Variants in WWC1 observed in about 807,000 individuals in gnomAD.
WWC1 encodes the protein WW and C2 domain containing 1, also known as protein KIBRA.
WWC1 carries 55 observed loss-of-function variants against 138.4 expected under a neutral mutation model. That is an observed-to-expected ratio of 0.40 (90% CI 0.32 to 0.50). The LOEUF (loss-of-function observed/expected upper bound fraction) is 0.50, where lower values mean the gene tolerates loss of function less well. Among genes scored for constraint, WWC1 ranks in the 20% least tolerant of loss-of-function variants. WWC1 has a pLI of 0.72. For missense variants in WWC1, 1,226 were observed against 1,420.4 expected (o/e 0.86, Z 2.20); for synonymous variants, 524 against 564.9 (o/e 0.93, Z 1.03).
At chr5:168,385,491 C>T in intron 3 of WWC1, 77 bp downstream of exon 3, 1 of 1,451,800 alleles carries the variant, frequency 6.9e-7, no homozygotes, top group Non-Finnish European at 9.4e-7. Context: ...AATATTGCTT[C>T]TCAAGTCTGC....
In WWC1 at chr5:168,414,058, G is replaced by C. The variant is rs75327104; in HGVS notation, c.942-290G>C. On this transcript the variant is annotated intron_variant, in intron 8 of 22. Transcript: ENST00000265293. ...CAAGGCCACACAGCCAGTGCTAAGA[G>C]GTTAGTGCCTGGTGATGAATCCACA... 3 of 385,940 alleles carry C rather than the reference G, an allele frequency of 7.8e-6. No homozygotes were observed. The East Asian group carries it at 1.5e-4, about 20-fold the overall frequency. 23.9% of individuals were successfully genotyped at this position (385,940 alleles called of 1,614,324 possible).
chr5:168,462,799 A>G (rs1458342425), intron 20 of WWC1, among the ~76,000 whole-genome samples: 2 of 152,200 alleles, frequency 1.3e-5, no homozygotes, highest in African/African-American at 4.8e-5. Context: ...TCCACGCACT[A>G]CCTGAGCTGT....
intron 17 of WWC1, among the ~76,000 whole-genome samples, chr5:168,451,774 C>T (rs527255986): frequency 1.3e-5 from 2 of 152,200 alleles, no homozygotes; most frequent in Admixed American, 6.5e-5. Flanking sequence ...CAAGTACACA[C>T]CCAGTAGTAG....
At chr5:168,385,915 T>C (rs1409390011) in intron 3 of WWC1, among the ~76,000 whole-genome samples, 1 of 152,222 alleles carries the variant, frequency 6.6e-6, no homozygotes, top group Non-Finnish European at 1.5e-5. Flanking sequence ...TTCCATGGCC[T>C]ATACAGCCCT....
At chr5:168,314,772 T>G (rs12522956) in intron 1 of WWC1, among the ~76,000 whole-genome samples, 52,781 of 151,920 alleles carry the variant, frequency 0.35, 9,566 homozygotes, top group Admixed American at 0.41. Context: ...CAAGGAGCCA[T>G]TCACGGGCTG....
At chr5:168,403,007 T>C (rs1479414918) in intron 5 of WWC1, among the ~76,000 whole-genome samples, 1 of 23,350 alleles carries the variant, frequency 4.3e-5, no homozygotes. Flanking sequence ...GTTGTTTCTT[T>C]TTCTTTCTTT....
At chr5:168,305,127 TA>T (rs1263395495) in intron 1 of WWC1, among the ~76,000 whole-genome samples, 48 of 111,368 alleles carry the variant, frequency 4.3e-4, no homozygotes, top group Non-Finnish European at 1.9e-4. Context: ...CCTGGCCCAG[TA>T]TTTTTTTTTT....
chr5:168,366,998 A>G (rs532362873), intron 1 of WWC1, among the ~76,000 whole-genome samples: 1 of 151,386 alleles, frequency 6.6e-6, no homozygotes, highest in Non-Finnish European at 1.5e-5. Flanking sequence ...GAGTTTCACC[A>G]TGTTTGCCAG....
chr5:168,367,275 C>G (rs1443174878), intron 1 of WWC1, among the ~76,000 whole-genome samples: 1 of 152,200 alleles, frequency 6.6e-6, no homozygotes, highest in Admixed American at 6.5e-5. Context: ...TCTAGCACAG[C>G]TTGCTCTGTG....
At chr5:168,433,784 T>C (rs1177014077) in intron 15 of WWC1, among the ~76,000 whole-genome samples, 3 of 152,330 alleles carry the variant, frequency 2.0e-5, no homozygotes, top group East Asian at 3.9e-4. Context: ...GTGATCCGCC[T>C]GTCTCCACCT....
intron 15 of WWC1, among the ~76,000 whole-genome samples, chr5:168,433,471 A>G (rs1016499704): frequency 2.6e-5 from 4 of 152,216 alleles, no homozygotes; most frequent in African/African-American, 9.7e-5. Flanking sequence ...GTTACTGACA[A>G]TAATGCAGTA....
At chr5:168,312,169 A>T (rs532903658) in intron 1 of WWC1, among the ~76,000 whole-genome samples, 89 of 152,182 alleles carry the variant, frequency 5.8e-4, no homozygotes, top group African/African-American at 2.0e-3. Context: ...AGTGACCGAG[A>T]TTGCACCATT....
At chr5:168,394,019 C>T (rs1190882354) in intron 3 of WWC1, among the ~76,000 whole-genome samples, 3 of 152,180 alleles carry the variant, frequency 2.0e-5, no homozygotes, top group African/African-American at 7.2e-5. Context: ...AAAAATAATG[C>T]AAACACTGAA....
intron 11 of WWC1, among the ~76,000 whole-genome samples, chr5:168,426,783 G>A (rs1002711146): frequency 5.9e-5 from 9 of 152,206 alleles, no homozygotes; most frequent in Non-Finnish European, 1.2e-4. Context: ...TCAATGCTGC[G>A]AGCCCTTGCC....
intron 1 of WWC1, among the ~76,000 whole-genome samples, chr5:168,367,649 G>A (rs771749862): frequency 4.6e-5 from 7 of 152,154 alleles, no homozygotes; most frequent in Admixed American, 1.3e-4. Flanking sequence ...AGCAGAGCTC[G>A]AGTTTTGGAA....
intron 1 of WWC1, among the ~76,000 whole-genome samples, chr5:168,328,089 T>G (rs1772712120): frequency 6.6e-6 from 1 of 152,198 alleles, no homozygotes; most frequent in African/African-American, 2.4e-5. Context: ...GAGCTGAGCC[T>G]TTCACAATTT....
intron 3 of WWC1, among the ~76,000 whole-genome samples, chr5:168,387,104 C>T (rs573284995): frequency 6.6e-5 from 10 of 152,330 alleles, no homozygotes; most frequent in African/African-American, 2.4e-4. Flanking sequence ...GATTAGGAAA[C>T]TGAGGCTTAG....
At chr5:168,325,488 C>G (rs2152762004) in intron 1 of WWC1, among the ~76,000 whole-genome samples, 1 of 152,102 alleles carries the variant, frequency 6.6e-6, no homozygotes, top group South Asian at 2.1e-4. Flanking sequence ...CCAGGTGGGG[C>G]AGTGGGGAGG....
intron 4 of WWC1, among the ~76,000 whole-genome samples, chr5:168,399,005 C>CTA (rs1779119699): frequency 6.6e-6 from 1 of 152,224 alleles, no homozygotes; most frequent in Non-Finnish European, 1.5e-5. Context: ...AGTCTAGCTC[C>CTA]TAAGGCATGT....
Sources: gnomAD v4.1 joint callset for allele counts (sites outside exome capture counted in the v4.1 genomes callset) on GRCh38, gnomAD v4.1.1 for gene constraint, MANE v1.5 for transcripts, NCBI Gene and HGNC (gene_info 2026-07-23, HGNC 2026-07-21) for gene names.